EDDM3A: variants seen among roughly 807,000 people sequenced by gnomAD.
EDDM3A encodes epididymal secretory protein E3-alpha.
For missense variants in EDDM3A, 199 were observed against 177.4 expected (o/e 1.12, Z -0.69); for synonymous variants, 75 against 60.4 (o/e 1.24, Z -1.12).
the EDDM3A span, among the ~76,000 whole-genome samples, chr14:20,737,054 C>CTTTTTTCTTTTTTTTTTTTT: frequency 1.8e-5 from 2 of 109,964 alleles, no homozygotes; most frequent in African/African-American, 6.2e-5. Flanking sequence ...TTTCTTTTTC[C>CTTTTTTCTTTTTTTTTTTTT]TTTTTTTTTT....
the EDDM3A span, among the ~76,000 whole-genome samples, chr14:20,738,460 ACT>A: frequency 2.9e-5 from 4 of 140,124 alleles, no homozygotes; most frequent in Admixed American, 1.5e-4. Flanking sequence ...ACAGAGTGAG[ACT>A]CTGTCTCAAA....
At chr14:20,737,362 C>T in the EDDM3A span, among the ~76,000 whole-genome samples, 1 of 152,060 alleles carries the variant, frequency 6.6e-6, no homozygotes. Flanking sequence ...ACACCCAGCC[C>T]AAAACTGGTA....
chr14:20,739,248 G>A, the EDDM3A span, among the ~76,000 whole-genome samples: 1 of 152,198 alleles, frequency 6.6e-6, no homozygotes, highest in Admixed American at 6.5e-5. Flanking sequence ...GTGCATTTAA[G>A]GGCAATTAGT....
the EDDM3A span, among the ~76,000 whole-genome samples, chr14:20,739,099 C>A: frequency 6.6e-6 from 1 of 152,168 alleles, no homozygotes; most frequent in African/African-American, 2.4e-5. Flanking sequence ...ATAATCTTTA[C>A]GTTACAGAGC....
In EDDM3A at chr14:20,748,073, A is replaced by G. The variant is rs750457440; in HGVS notation, c.*49A>G. On this transcript the variant is annotated 3_prime_UTR_variant, in exon 2 of 2. Transcript: ENST00000326842. ...ATTGGTAGAGTATTCAGTGCTTCCA[A>G]AGTGGTGGGCCCTGCCTCCATCAAT... The G allele has an allele frequency of 6.8e-7, 1 of 1,463,172 alleles. No individual in the cohort carries two copies. Among genetic ancestry groups the G allele is most frequent in the Non-Finnish European group, 9.2e-7 (1 of 1,082,632 alleles). The allele number at this position is 1,463,172 out of a possible 1,614,324, so 90.6% of individuals were successfully genotyped here.
At chr14:20,736,893 A>G in the EDDM3A span, among the ~76,000 whole-genome samples, 3 of 151,270 alleles carry the variant, frequency 2.0e-5, no homozygotes, top group African/African-American at 7.3e-5. Flanking sequence ...TGTATTTTTT[A>G]GTAGAGACAG....
chr14:20,743,389 A>C (rs1877494137), upstream of EDDM3A, among the ~76,000 whole-genome samples: 1 of 152,160 alleles, frequency 6.6e-6, no homozygotes, highest in Non-Finnish European at 1.5e-5. Context: ...GTTTCTACTA[A>C]AAATACAAAA....
At chr14:20,741,562 G>A (rs982367092), upstream of EDDM3A, among the ~76,000 whole-genome samples, 9 of 152,144 alleles carry the variant, frequency 5.9e-5, no homozygotes, top group African/African-American at 2.2e-4. Flanking sequence ...CTCCCTATAA[G>A]TAGAAACACT....
chr14:20,738,506 T>C, the EDDM3A span, among the ~76,000 whole-genome samples: 598 of 144,418 alleles, frequency 4.1e-3, 27 homozygotes, highest in East Asian at 0.1. Context: ...AATAAATAAA[T>C]AAACAGTAGC....
chr14:20,738,896 G>C, the EDDM3A span, among the ~76,000 whole-genome samples: 2 of 152,318 alleles, frequency 1.3e-5, no homozygotes, highest in East Asian at 3.9e-4. Context: ...ACAGATTTAA[G>C]TCAGTATCTT....
Position 20,747,729 on chromosome 14 carries a change from G to A in EDDM3A, c.149G>A (p.Cys50Tyr). Residue 50 changes from cysteine (C) to tyrosine (Y), a missense_variant, in exon 2 of 2, where the codon TGT (cysteine) becomes TAT (tyrosine). Cys to Tyr is a radical substitution (Grantham distance 194). Coordinates refer to ENST00000326842, the MANE Select transcript of EDDM3A (RefSeq NM_006683.5). ...SPSREFKEYK[C>Y]DVLMREKEAL... ...AGTCGAGAATTCAAAGAGTACAAAT[G>A]TGATGTCCTCATGAGAGAAAAAGAG... 1 of 1,614,150 alleles carries A rather than the reference G, an allele frequency of 6.2e-7. No homozygotes were observed.
chr14:20,738,101 T>G, the EDDM3A span, among the ~76,000 whole-genome samples: 57 of 152,282 alleles, frequency 3.7e-4, no homozygotes, highest in African/African-American at 1.3e-3. Flanking sequence ...AACTTTGCAA[T>G]TTTTGAGTGC....
upstream of EDDM3A, among the ~76,000 whole-genome samples, chr14:20,745,525 CAAA>C (rs5807049): frequency 7.3e-6 from 1 of 137,396 alleles, no homozygotes; most frequent in Non-Finnish European, 1.6e-5. Flanking sequence ...GACTCCATCT[CAAA>C]AAAAAAAAAA....
Position 20,747,638 on chromosome 14 carries a change from A to C in EDDM3A, c.58A>C (p.Arg20=). ...CTTGGCCCTGCTTTGCATCCTTTGC[A>C]GGCTGTGTGTATACAGTAACAACAT... ...ILLALLCILC[R]LCVYSNNIYW... is the part of the protein sequence containing the mutation. Residue 20 remains arginine, a synonymous_variant, in exon 2 of 2, where the codon AGG becomes CGG. Transcript: ENST00000326842. The C allele has an allele frequency of 3.7e-6, 6 of 1,613,830 alleles. No individual in the cohort carries two copies. Among genetic ancestry groups the C allele is most frequent in the Non-Finnish European group, 5.1e-6 (6 of 1,179,926 alleles).
chr14:20,746,847 A>G (rs1877603700), intron 1 of EDDM3A, among the ~76,000 whole-genome samples: 1 of 152,232 alleles, frequency 6.6e-6, no homozygotes, highest in African/African-American at 2.4e-5. Context: ...CATCTTCTAC[A>G]TTCCCTTAAA....
chr14:20,745,539 AG>A (rs397971980), upstream of EDDM3A, among the ~76,000 whole-genome samples: 2 of 151,188 alleles, frequency 1.3e-5, no homozygotes, highest in African/African-American at 4.9e-5. Flanking sequence ...AAAAAAAAAA[AG>A]GTGGCTTTCC....
Position 20,747,599 on chromosome 14 carries a change from A to T in EDDM3A, c.19A>T (p.Ile7Phe). 1 of 1,608,140 alleles carries T rather than the reference A, an allele frequency of 6.2e-7. No homozygotes were observed. Reference sequence around the variant, plus strand: ...GACTGAGATGACATCCTCTCTAAAGATTTGGGGCATACTCTTGGCCCTGCT... The same window carrying T: ...GACTGAGATGACATCCTCTCTAAAGTTTTGGGGCATACTCTTGGCCCTGCT... MTSSLK[I>F]WGILLALLCI... The change falls in exon 2 of 2, where the codon ATT becomes TTT. Residue 7 changes from isoleucine to phenylalanine, a missense_variant. Transcript: ENST00000326842.
At chr14:20,745,044 A>G (rs917882834), upstream of EDDM3A, among the ~76,000 whole-genome samples, 1 of 152,126 alleles carries the variant, frequency 6.6e-6, no homozygotes, top group Admixed American at 6.5e-5. Context: ...CAACATGGTG[A>G]AACCCTGTCT....
chr14:20,743,536 CA>C (rs2139078074), upstream of EDDM3A, among the ~76,000 whole-genome samples: 1 of 151,890 alleles, frequency 6.6e-6, no homozygotes, highest in South Asian at 2.1e-4. Context: ...AACTCCATTC[CA>C]AAAATAATAA....
Sources: gnomAD v4.1 joint callset for allele counts (sites outside exome capture counted in the v4.1 genomes callset) on GRCh38, gnomAD v4.1.1 for gene constraint, MANE v1.5 for transcripts, NCBI Gene and HGNC (gene_info 2026-07-23, HGNC 2026-07-21) for gene names.